CUX2: variants seen among roughly 807,000 people sequenced by gnomAD.
The protein encoded by CUX2 is homeobox protein cut-like 2.
CUX2 carries 40 observed loss-of-function variants against 144.8 expected under a neutral mutation model. The ratio of observed to expected loss-of-function variants is 0.28; its 90% CI spans 0.21 to 0.36. The LOEUF (loss-of-function observed/expected upper bound fraction) is 0.36. Among genes scored for constraint, CUX2 ranks in the 10% least tolerant of loss-of-function variants. The probability of loss-of-function intolerance (pLI) is 1.00; values close to 1 mark genes in which losing one functional copy is unlikely to be tolerated. For missense variants in CUX2, 1,615 were observed against 1,994.0 expected (o/e 0.81, Z 3.62); for synonymous variants, 827 against 875.6 (o/e 0.94, Z 0.98).
chr12:111,347,865 A>G lies in CUX2; in HGVS notation c.4001A>G (p.Asp1334Gly). 1 of 1,613,588 alleles carries G rather than the reference A, an allele frequency of 6.2e-7. No homozygotes were observed. The highest frequency in any genetic ancestry group is 8.5e-7 in the Non-Finnish European group (1 of 1,179,916). ...GGTCCCCCCAAAGAGGAGCATCCCG[A>G]CCCTCCGGGTAATGATGGACTCCCA... The part of the protein sequence containing the change: ...GQGPPKEEHP[D>G]PPGNDGLPKV... Residue 1334 changes from aspartate (D) to glycine (G), a missense_variant, in exon 22 of 22, where the codon GAC (aspartate) becomes GGC (glycine). Coordinates refer to ENST00000261726, the MANE Select transcript of CUX2 (RefSeq NM_015267.4).
Position 111,310,342 on chromosome 12 carries a change from T to A in CUX2, c.1560T>A (p.Pro520=). Residue 520 remains proline (P), a synonymous_variant, in exon 15 of 22, where the codon CCT becomes CCA. Coordinates refer to ENST00000261726, the MANE Select transcript of CUX2 (RefSeq NM_015267.4). The surrounding 1 kb of genome is among the most constrained non-coding windows in gnomAD (Gnocchi z 7.9). ...ATGGCGCCAAGCCCCCCACAGCCCC[T>A]GCCACCCCGGCCCCTGGCCCTGAGC... is the stretch of plus-strand genomic sequence containing the variant. The part of the protein sequence containing the change: ...AFYGAKPPTA[P]ATPAPGPEPL... 1 of 1,545,364 alleles carries A rather than the reference T, an allele frequency of 6.5e-7. No homozygotes were observed. The highest frequency in any genetic ancestry group is 1.4e-5 in the African/African-American group (1 of 73,846).
intron 4 of CUX2, among the ~76,000 whole-genome samples, chr12:111,290,630 A>G (rs940485450): frequency 3.3e-5 from 5 of 151,912 alleles, no homozygotes; most frequent in African/African-American, 1.2e-4. Context: ...GTTTCACCAT[A>G]TTGGTCAGGT....
chr12:111,271,036 C>T (rs751857388), intron 4 of CUX2, among the ~76,000 whole-genome samples: 7 of 152,148 alleles, frequency 4.6e-5, no homozygotes, highest in Non-Finnish European at 7.3e-5. Flanking sequence ...GAAAGCATTC[C>T]GCAGGGCTGA....
At chr12:111,148,912 G>A (rs996355254) in intron 1 of CUX2, among the ~76,000 whole-genome samples, 1 of 152,086 alleles carries the variant, frequency 6.6e-6, no homozygotes, top group Non-Finnish European at 1.5e-5. Context: ...GAGGAGGATT[G>A]CTTGACCCCA....
In CUX2 at chr12:111,311,294, C is replaced by CTTTTT. The variant is rs567374190; in HGVS notation, c.1900+619_1900+623dup. ...GCCATAGTCATTGTCGTCATCATTT[C>CTTTTT]TTTTTTTTTTTGAGATGGAATCTCA... On this transcript the variant is annotated intron_variant, in intron 15 of 21. Coordinates refer to ENST00000261726, the MANE Select transcript of CUX2 (RefSeq NM_015267.4). Among the ~76,000 whole-genome samples the CTTTTT allele has an allele frequency of 2.0e-5, 3 of 147,424 alleles. No individual in the cohort carries two copies. In the East Asian group the frequency reaches 5.9e-4, roughly 29 times the overall value.
Position 111,075,757 on chromosome 12 carries a change from G to A in CUX2, c.63+41517G>A, listed in dbSNP as rs79291930. Among the ~76,000 whole-genome samples, 350 of 152,256 alleles carry A rather than the reference G, an allele frequency of 2.3e-3. 2 individuals are homozygous for A. The highest frequency in any genetic ancestry group is 8.1e-3 in the African/African-American group (336 of 41,520). On this transcript the variant is annotated intron_variant, in intron 1 of 21. Coordinates refer to ENST00000261726, the MANE Select transcript of CUX2 (RefSeq NM_015267.4). ...TAAGTCTCATTATTTGTCCTTACTG[G>A]GGAGGAATCCAAGGCCCAGGGTGTC... is the stretch of plus-strand genomic sequence containing the variant.
In CUX2 at chr12:111,068,344, A is replaced by G. The variant is rs1293044385; in HGVS notation, c.63+34104A>G. On this transcript the variant is annotated intron_variant, in intron 1 of 21. Coordinates refer to ENST00000261726, the MANE Select transcript of CUX2 (RefSeq NM_015267.4). The surrounding 1 kb of genome is among the most constrained non-coding windows in gnomAD (Gnocchi z 4.9). ...AAAATAACTCTCACAATGCACAGGG[A>G]AAAGTGCTTCCTGTGGATGAATGAC... Among the ~76,000 whole-genome samples the G allele has an allele frequency of 6.6e-6, 1 of 152,154 alleles. No individual in the cohort carries two copies. The highest frequency in any genetic ancestry group is 1.9e-4 in the East Asian group (1 of 5,196).
At position 111,304,280 on chromosome 12, in the gene CUX2, G is replaced by A. The variant is rs542223704; in HGVS notation, c.824G>A (p.Arg275His). The A allele has an allele frequency of 4.3e-5, 69 of 1,613,910 alleles. No individual in the cohort carries two copies. Among genetic ancestry groups the A allele is most frequent in the Non-Finnish European group, 5.0e-5 (59 of 1,179,934 alleles). The change falls in exon 10 of 22, where the codon CGC becomes CAC. Residue 275 changes from arginine (R) to histidine (H), a missense_variant. Arg to His is a conservative substitution (Grantham distance 29). Around this residue, in one of 12 missense-constraint regions of CUX2, gnomAD observed 295 missense variants for 400.2 expected, o/e 0.74. Coordinates refer to ENST00000261726, the MANE Select transcript of CUX2 (RefSeq NM_015267.4). This position sits in a 1 kb window ranked among gnomAD's most constrained non-coding sequence, Gnocchi z 4.7. Reference protein sequence around the residue: ...EQLASVNSSIRLACCSPQGPS... With the variant: ...EQLASVNSSIHLACCSPQGPS... ...CTGGCCTCTGTCAACAGCTCCATCC[G>A]CCTGGCTTGCTGCTCTCCCCAGGGG...
In CUX2 at chr12:111,296,485, C is replaced by T. The variant is rs775179488; in HGVS notation, c.650C>T (p.Thr217Met). Residue 217 changes from threonine (T) to methionine (M), a missense_variant, in exon 8 of 22, where the codon ACG (threonine) becomes ATG (methionine). By Grantham distance (81) the Thr-to-Met change is moderately conservative. Transcript: ENST00000261726. Reference protein sequence around the residue: ...IKVLHSALKATQAELLELRRK... With the variant: ...IKVLHSALKAMQAELLELRRK... ...TGCTTTCTCCCAGCGCTAAAGGCTA[C>T]GCAGGCAGAGCTGCTAGAGCTGCGG... 7.5e-6 allele frequency: 12 copies of T among 1,609,324 alleles called. No homozygotes were observed. Among genetic ancestry groups the T allele is most frequent in the Admixed American group, 1.7e-5 (1 of 59,662 alleles).
At chr12:111,118,813 A>G (rs919918775) in intron 1 of CUX2, among the ~76,000 whole-genome samples, 2 of 152,168 alleles carry the variant, frequency 1.3e-5, no homozygotes, top group Non-Finnish European at 2.9e-5. Flanking sequence ...TTTTTACAGG[A>G]CACACCACCA....
Position 111,034,438 on chromosome 12 carries a change from C to T in CUX2, c.63+198C>T, listed in dbSNP as rs1869313368. ...TCTCGCCGCTGCTCTTTGTTCGGTT[C>T]AGTCATCGATTAGCTGCCGCGACCA... On this transcript the variant is annotated intron_variant, in intron 1 of 21. Transcript: ENST00000261726. The surrounding 1 kb of genome is among the most constrained non-coding windows in gnomAD (Gnocchi z 4.2). 6.6e-6 allele frequency among the ~76,000 whole-genome samples: 1 copy of T among 151,596 alleles called. No individual in the cohort carries two copies. The highest frequency in any genetic ancestry group is 2.1e-4 in the South Asian group (1 of 4,826).
At chr12:111,275,215 GT>G (rs1306403631) in intron 4 of CUX2, among the ~76,000 whole-genome samples, 1 of 152,132 alleles carries the variant, frequency 6.6e-6, no homozygotes, top group African/African-American at 2.4e-5. Flanking sequence ...TCCCCACGGT[GT>G]CCCCCATCCC....
chr12:111,340,241 A>G (rs1025777772), intron 20 of CUX2, among the ~76,000 whole-genome samples: 1 of 152,154 alleles, frequency 6.6e-6, no homozygotes, highest in African/African-American at 2.4e-5. Flanking sequence ...TGCTGTGAGG[A>G]TTAAGTAAGA....
intron 1 of CUX2, among the ~76,000 whole-genome samples, chr12:111,124,207 A>T (rs998728309): frequency 6.6e-6 from 1 of 152,210 alleles, no homozygotes; most frequent in African/African-American, 2.4e-5. Flanking sequence ...ATGAAAGGCA[A>T]ATTCATAGGA....
At chr12:111,211,455 G>T (rs1881221573) in intron 1 of CUX2, among the ~76,000 whole-genome samples, 1 of 152,206 alleles carries the variant, frequency 6.6e-6, no homozygotes, top group South Asian at 2.1e-4. Context: ...CACATCAGGT[G>T]GTTGGACTTA....
intron 21 of CUX2, among the ~76,000 whole-genome samples, chr12:111,347,319 C>G (rs892561838): frequency 6.6e-6 from 1 of 152,134 alleles, no homozygotes; most frequent in Non-Finnish European, 1.5e-5. Context: ...CATCTCTGAG[C>G]CTTGTTTCCT....
At chr12:111,294,193 C>T (rs1297607482) in intron 6 of CUX2, among the ~76,000 whole-genome samples, 1 of 152,146 alleles carries the variant, frequency 6.6e-6, no homozygotes, top group Non-Finnish European at 1.5e-5. Flanking sequence ...CTGCAACCTC[C>T]ACGTTCCGGG....
intron 1 of CUX2, among the ~76,000 whole-genome samples, chr12:111,119,002 C>G (rs1874465929): frequency 6.6e-6 from 1 of 152,220 alleles, no homozygotes; most frequent in African/African-American, 2.4e-5. Context: ...AATCACCCAT[C>G]TCCTAATCTG....
At chr12:111,309,046 A>G (rs1422019471) in intron 14 of CUX2, among the ~76,000 whole-genome samples, 1 of 152,108 alleles carries the variant, frequency 6.6e-6, no homozygotes, top group East Asian at 1.9e-4. Flanking sequence ...CTGGGATTAC[A>G]GGCATGCACC....
Sources: allele counts gnomAD v4.1 joint callset (sites outside exome capture counted in the v4.1 genomes callset), GRCh38; gene constraint gnomAD v4.1.1; regional missense constraint gnomAD v4.1.1; non-coding constraint Gnocchi (gnomAD v3.1); transcripts MANE v1.5; gene names NCBI Gene and HGNC (gene_info 2026-07-23, HGNC 2026-07-21).